SATB2: variants seen among roughly 807,000 people sequenced by gnomAD.
SATB2 encodes the protein DNA-binding protein SATB2.
Under a neutral mutation model 73.4 loss-of-function variants are expected in SATB2, and 1 was observed. The observed-to-expected ratio is 0.01, with a 90% CI of 0.00 to 0.06. The LOEUF is 0.06. SATB2 is among the 10% of genes least tolerant of loss of function. The probability of loss-of-function intolerance (pLI) is 1.00; values close to 1 mark genes in which losing one functional copy is unlikely to be tolerated. For synonymous variants in SATB2, 397 were observed against 367.0 expected (o/e 1.08, Z -0.93); for missense variants, 459 against 945.8 (o/e 0.49, Z 6.75).
chr2:199,374,781 T>C (rs540020511), intron 5 of SATB2, among the ~76,000 whole-genome samples: 1 of 152,174 alleles, frequency 6.6e-6, no homozygotes, highest in Non-Finnish European at 1.5e-5. Flanking sequence ...CTGGCTAACA[T>C]GGTGAAACCT....
intron 9 of SATB2, among the ~76,000 whole-genome samples, chr2:199,317,431 GAC>G (rs1219739547): frequency 5.3e-5 from 8 of 152,048 alleles, no homozygotes; most frequent in Non-Finnish European, 1.2e-4. Flanking sequence ...TTACTTCAAA[GAC>G]ACATGCAAGT....
Position 199,368,594 on chromosome 2 carries a change from A to T in SATB2, c.700+11T>A. The T allele has an allele frequency of 1.3e-6, 2 of 1,525,372 alleles. No homozygotes were observed. The highest frequency in any genetic ancestry group is 1.8e-6 in the Non-Finnish European group (2 of 1,099,722). The allele number at this position is 1,525,372 out of a possible 1,614,324, so 94.5% of individuals were successfully genotyped here. On this transcript the variant is annotated intron_variant, in intron 6 of 10. Coordinates refer to ENST00000417098, the MANE Select transcript of SATB2 (RefSeq NM_001172509.2). Reference sequence around the variant, plus strand: ...TGAAAACAGGCTTTACAAACAAAAAAGTCAGTTTACCTTTAATCTTCTTGT... The same window carrying T: ...TGAAAACAGGCTTTACAAACAAAAATGTCAGTTTACCTTTAATCTTCTTGT...
chr2:199,324,002 T>G, intron 8 of SATB2, 44 bp from the exon 9 acceptor site: 1 of 1,606,790 alleles, frequency 6.2e-7, no homozygotes, highest in Non-Finnish European at 8.5e-7. Context: ...AGTGCTGCAT[T>G]CAGCCCAGCC....
intron 7 of SATB2, among the ~76,000 whole-genome samples, chr2:199,341,352 G>T (rs1179928445): frequency 6.6e-6 from 1 of 152,180 alleles, no homozygotes; most frequent in Non-Finnish European, 1.5e-5. Context: ...CAGACACTAT[G>T]TGCATCACTG....
At chr2:199,362,346 C>A (rs996904015) in intron 6 of SATB2, among the ~76,000 whole-genome samples, 4 of 148,436 alleles carry the variant, frequency 2.7e-5, no homozygotes, top group Admixed American at 2.7e-4. Flanking sequence ...TGCGCTGTCT[C>A]TCCCTAACCG....
Position 199,452,334 on chromosome 2 carries a change from C to T in SATB2, c.169+3535G>A, listed in dbSNP as rs543972232. 5.9e-5 allele frequency among the ~76,000 whole-genome samples: 9 copies of T among 152,234 alleles called. No individual in the cohort carries two copies. The East Asian group carries it at 1.7e-3, about 29-fold the overall frequency. On this transcript the variant is annotated intron_variant, in intron 2 of 10. Transcript: ENST00000417098. Reference sequence around the variant, plus strand: ...TTTATTGCTATTAAAGCACAACTGGCCAGCACCTTTCAGCAGTCCAGGAGA... The same window carrying T: ...TTTATTGCTATTAAAGCACAACTGGTCAGCACCTTTCAGCAGTCCAGGAGA...
chr2:199,336,618 T>C (rs1339462478), intron 7 of SATB2, among the ~76,000 whole-genome samples: 1 of 152,212 alleles, frequency 6.6e-6, no homozygotes, highest in Non-Finnish European at 1.5e-5. Flanking sequence ...GAAATATTTC[T>C]GCATTAGTTT....
intron 5 of SATB2, among the ~76,000 whole-genome samples, chr2:199,379,667 ATTTTC>A (rs934696044): frequency 7.6e-6 from 1 of 132,000 alleles, no homozygotes; most frequent in African/African-American, 2.8e-5. Context: ...TAAAACGTCT[ATTTTC>A]TTTTCTTTTC....
intron 8 of SATB2, chr2:199,325,987 T>C (rs754292793): frequency 1.3e-5 from 2 of 152,148 alleles, no homozygotes; most frequent in Non-Finnish European, 2.9e-5. Flanking sequence ...CTTCAATTTG[T>C]TTTTCAGCTA....
intron 9 of SATB2, among the ~76,000 whole-genome samples, chr2:199,312,042 CAA>C (rs35945320): frequency 1.5e-5 from 2 of 130,634 alleles, no homozygotes; most frequent in African/African-American, 2.9e-5. Context: ...CAGTATCAGG[CAA>C]AAAAAAAAAA....
At chr2:199,323,746 A>C (rs1687955937) in intron 9 of SATB2, 57 bp downstream of exon 9, 2 of 1,498,540 alleles carry the variant, frequency 1.3e-6, no homozygotes, top group African/African-American at 2.8e-5. Context: ...TTATTGGTGG[A>C]GGAAGGAGAA....
intron 6 of SATB2, among the ~76,000 whole-genome samples, chr2:199,366,811 T>C (rs1354382859): frequency 1.2e-5 from 1 of 86,738 alleles, no homozygotes; most frequent in Non-Finnish European, 3.3e-5. Context: ...TTTACTATCT[T>C]TAAAAAAAAA....
intron 3 of SATB2, among the ~76,000 whole-genome samples, chr2:199,416,519 T>C (rs1381541577): frequency 6.6e-6 from 1 of 152,178 alleles, no homozygotes; most frequent in Non-Finnish European, 1.5e-5. Flanking sequence ...AGGTAATTCA[T>C]GTTTAATTTT....
intron 9 of SATB2, among the ~76,000 whole-genome samples, chr2:199,320,871 C>A (rs756645987): frequency 1.3e-5 from 2 of 152,058 alleles, no homozygotes; most frequent in Non-Finnish European, 2.9e-5. Flanking sequence ...GCAATTAACA[C>A]CAAGGAGTGT....
At chr2:199,331,601 G>A (rs1256269384) in intron 7 of SATB2, among the ~76,000 whole-genome samples, 2 of 152,138 alleles carry the variant, frequency 1.3e-5, no homozygotes. Context: ...TGGCTCACTG[G>A]TGGGCACAAG....
chr2:199,463,089 C>T lies in SATB2; in HGVS notation c.-141+1747G>A, dbSNP rs2105967427. On this transcript the variant is annotated intron_variant, in intron 1 of 11. Transcript: ENST00000260926. This position sits in a 1 kb window ranked among gnomAD's most constrained non-coding sequence, Gnocchi z 6.4. Reference sequence around the variant, plus strand: ...GGGAGATCTGGTGTCCCTTCGGCGGCCGCGGGCCGGGGGACCGGGGAAGAC... The same window carrying T: ...GGGAGATCTGGTGTCCCTTCGGCGGTCGCGGGCCGGGGGACCGGGGAAGAC... 6.6e-6 allele frequency among the ~76,000 whole-genome samples: 1 copy of T among 152,198 alleles called. No individual in the cohort carries two copies. Among genetic ancestry groups the T allele is most frequent in the Non-Finnish European group, 1.5e-5 (1 of 67,988 alleles).
At position 199,463,202 on chromosome 2, in the gene SATB2, T is replaced by C. The variant is rs1032980106; in HGVS notation, c.-141+1634A>G. Reference sequence around the variant, plus strand: ...TCATTCTTTTGCAGAGCCCAGAACTTAATAGGTGGGTCCCCTTCTGCAACC... The same window carrying C: ...TCATTCTTTTGCAGAGCCCAGAACTCAATAGGTGGGTCCCCTTCTGCAACC... On this transcript the variant is annotated intron_variant, in intron 1 of 11. Coordinates refer to the SATB2 transcript ENST00000260926. This position sits in a 1 kb window ranked among gnomAD's most constrained non-coding sequence, Gnocchi z 6.4. Among the ~76,000 whole-genome samples, 3 of 151,928 alleles carry C rather than the reference T, an allele frequency of 2.0e-5. No individual in the cohort carries two copies. Among genetic ancestry groups the C allele is most frequent in the African/African-American group, 7.3e-5 (3 of 41,358 alleles).
intron 6 of SATB2, among the ~76,000 whole-genome samples, chr2:199,361,734 G>A (rs189855142): frequency 2.4e-4 from 36 of 149,914 alleles, no homozygotes; most frequent in East Asian, 5.9e-4. Flanking sequence ...AAATATGATC[G>A]CCCAGCCAGG....
intron 10 of SATB2, among the ~76,000 whole-genome samples, chr2:199,305,561 G>GATGTGCAGAAAC (rs1290895205): frequency 6.6e-6 from 1 of 152,042 alleles, no homozygotes; most frequent in Non-Finnish European, 1.5e-5. Context: ...CACATCTGCA[G>GATGTGCAGAAAC]ACAATAAAAA....
Sources: gnomAD v4.1 joint callset for allele counts (sites outside exome capture counted in the v4.1 genomes callset) on GRCh38, gnomAD v4.1.1 for gene constraint, Gnocchi (gnomAD v3.1) non-coding constraint, MANE v1.5 for transcripts, NCBI Gene and HGNC (gene_info 2026-07-23, HGNC 2026-07-21) for gene names.